Variants in CEP63 observed in about 807,000 individuals in gnomAD.
CEP63 encodes centrosomal protein 63.
A neutral mutation model predicts 89.1 loss-of-function variants in CEP63; 84 were observed. The ratio of observed to expected loss-of-function variants is 0.94; its 90% CI spans 0.79 to 1.13. The LOEUF is 1.13. Ranked by LOEUF, CEP63 falls within the 50% of genes most tolerant of loss-of-function variation. The probability of loss-of-function intolerance (pLI) is 0.00; values close to 1 mark genes in which losing one functional copy is unlikely to be tolerated. For missense variants in CEP63, 838 were observed against 813.3 expected (o/e 1.03, Z -0.37); for synonymous variants, 267 against 272.5 (o/e 0.98, Z 0.20).
chr3:134,557,723 T>A (rs1956515141), intron 12 of CEP63, among the ~76,000 whole-genome samples: 2 of 152,212 alleles, frequency 1.3e-5, no homozygotes, highest in Non-Finnish European at 1.5e-5. Flanking sequence ...CAGAAGATTT[T>A]TCTCACAACT....
chr3:134,510,474 T>G, intron 3 of CEP63: 1 of 307,732 alleles, frequency 3.2e-6, no homozygotes, highest in South Asian at 3.9e-5. Flanking sequence ...GAATCGACTG[T>G]TGAGCCTTTC....
the CEP63 span, among the ~76,000 whole-genome samples, chr3:134,684,764 T>C: frequency 6.6e-6 from 1 of 152,216 alleles, no homozygotes; most frequent in African/African-American, 2.4e-5. Flanking sequence ...TGGGTTTGTA[T>C]TTGGCAACAC....
the CEP63 span, among the ~76,000 whole-genome samples, chr3:134,600,485 A>T: frequency 2.0e-5 from 3 of 152,224 alleles, no homozygotes. Flanking sequence ...TGGGGAACTC[A>T]CAATGATCAT....
chr3:134,781,471 G>A, the CEP63 span, among the ~76,000 whole-genome samples: 1 of 152,206 alleles, frequency 6.6e-6, no homozygotes, highest in African/African-American at 2.4e-5. Flanking sequence ...TGGACACAAA[G>A]GTGGGAACAA....
At chr3:134,726,602 G>A in the CEP63 span, among the ~76,000 whole-genome samples, 1 of 152,218 alleles carries the variant, frequency 6.6e-6, no homozygotes, top group Non-Finnish European at 1.5e-5. Context: ...GGAGATGCTA[G>A]GGGCTAGTGC....
In CEP63 at chr3:134,545,657, A is replaced by G; in HGVS notation, c.627A>G (p.Leu209=). ...CTAGCCAATCAGAAATTCAACACTT[A>G]AGCAGTAAACTGGAGCGGGCTAATG... ...ELSSQSEIQH[L]SSKLERANDT... Residue 209 remains leucine, a synonymous_variant, in exon 7 of 15, where the codon TTA becomes TTG. Transcript: ENST00000675561. The G allele has an allele frequency of 1.2e-6, 2 of 1,614,152 alleles. No homozygotes were observed. Among genetic ancestry groups the G allele is most frequent in the South Asian group, 2.2e-5 (2 of 91,088 alleles).
chr3:134,541,972 A>T (rs7430834), intron 6 of CEP63, among the ~76,000 whole-genome samples: 1 of 152,260 alleles, frequency 6.6e-6, no homozygotes, highest in East Asian at 1.9e-4. Flanking sequence ...TCTAAAACTA[A>T]GGTCATTTCT....
chr3:134,545,367 C>G lies in CEP63; in HGVS notation c.556-219C>G, dbSNP rs534098700. 3.3e-5 allele frequency among the ~76,000 whole-genome samples: 5 copies of G among 151,634 alleles called. No individual in the cohort carries two copies. The East Asian group carries it at 9.7e-4, about 29-fold the overall frequency. ...CTGATCTCGAACTCCTGAGCTCAAGCGATCTGCCTGCCTCAGCCTCCCATA... is the reference window on the plus strand; with the variant it reads ...CTGATCTCGAACTCCTGAGCTCAAGGGATCTGCCTGCCTCAGCCTCCCATA... On this transcript the variant is annotated intron_variant, in intron 6 of 14. Coordinates refer to ENST00000675561, the MANE Select transcript of CEP63 (RefSeq NM_001353108.3).
chr3:134,675,346 T>C, the CEP63 span, among the ~76,000 whole-genome samples: 3 of 152,128 alleles, frequency 2.0e-5, no homozygotes, highest in Admixed American at 6.6e-5. Context: ...AAAAATGAAG[T>C]TGAACAACTG....
In CEP63 at chr3:134,550,213, C is replaced by T. The variant is rs1255640294; in HGVS notation, c.1333C>T (p.Leu445Phe). Residue 445 changes from leucine (L) to phenylalanine (F), a missense_variant, in exon 11 of 15, where the codon CTC (leucine) becomes TTC (phenylalanine). Coordinates refer to ENST00000675561, the MANE Select transcript of CEP63 (RefSeq NM_001353108.3). ...TTCTTCCTCAGACATGGAAAAGCGA[C>T]TCAGAGCAGAGATGCAAAAGGCAGA... ...KGSSSDMEKR[L>F]RAEMQKAEDK... is the part of the protein sequence containing the mutation. 7 of 1,614,118 alleles carry T rather than the reference C, an allele frequency of 4.3e-6. No individual in the cohort carries two copies. Among genetic ancestry groups the T allele is most frequent in the East Asian group, 4.5e-5 (2 of 44,866 alleles).
intron 3 of CEP63, among the ~76,000 whole-genome samples, chr3:134,509,486 C>T (rs1044433495): frequency 2.0e-5 from 3 of 152,212 alleles, no homozygotes; most frequent in African/African-American, 4.8e-5. Context: ...AAACTTTCTT[C>T]TCTTGCTTTA....
At chr3:134,776,106 G>A in the CEP63 span, among the ~76,000 whole-genome samples, 1 of 152,180 alleles carries the variant, frequency 6.6e-6, no homozygotes, top group Non-Finnish European at 1.5e-5. Context: ...TCTTCCTGTA[G>A]CCTAGGCCCT....
chr3:134,552,226 G>A (rs569697576), intron 12 of CEP63: 116 of 355,908 alleles, frequency 3.3e-4, no homozygotes, highest in South Asian at 3.0e-3. Context: ...TTTTTGAGAC[G>A]GGGTTTCACT....
At chr3:134,684,858 A>G in the CEP63 span, among the ~76,000 whole-genome samples, 1 of 152,184 alleles carries the variant, frequency 6.6e-6, no homozygotes, top group Admixed American at 6.5e-5. Flanking sequence ...CTGGACCCTG[A>G]CAGTTGTCAG....
intron 10 of CEP63, among the ~76,000 whole-genome samples, chr3:134,580,807 T>C (rs1958328579): frequency 6.6e-6 from 1 of 152,250 alleles, no homozygotes; most frequent in Non-Finnish European, 1.5e-5. Flanking sequence ...CAAAAATATC[T>C]ATGCCCTAAT....
At chr3:134,582,616 G>T (rs892889813) in intron 10 of CEP63, among the ~76,000 whole-genome samples, 9 of 152,150 alleles carry the variant, frequency 5.9e-5, no homozygotes, top group African/African-American at 1.9e-4. Context: ...CTTTGTTATT[G>T]TGAATAGTGC....
At chr3:134,489,254 ACAGTG>A (rs1936822707) in intron 1 of CEP63, among the ~76,000 whole-genome samples, 1 of 152,182 alleles carries the variant, frequency 6.6e-6, no homozygotes, top group Non-Finnish European at 1.5e-5. Flanking sequence ...TGCTTTTTGA[ACAGTG>A]CAGTTATAAA....
intron 2 of CEP63, among the ~76,000 whole-genome samples, 191 bp from the exon 3 acceptor site, chr3:134,506,918 C>CAAAAAAAA (rs1229943667): frequency 2.5e-4 from 6 of 24,270 alleles, no homozygotes; most frequent in Non-Finnish European, 5.5e-4. Context: ...AACTCCATCT[C>CAAAAAAAA]AAAAAAAAAA....
At chr3:134,650,548 G>A in the CEP63 span, among the ~76,000 whole-genome samples, 1 of 152,192 alleles carries the variant, frequency 6.6e-6, no homozygotes, top group African/African-American at 2.4e-5. Flanking sequence ...TTAGGGAGTG[G>A]CTGGGAGGAA....
Sources: allele counts gnomAD v4.1 joint callset (sites outside exome capture counted in the v4.1 genomes callset), GRCh38; gene constraint gnomAD v4.1.1; transcripts MANE v1.5; gene names NCBI Gene and HGNC (gene_info 2026-07-23, HGNC 2026-07-21).